CBLC: variants seen among roughly 807,000 people sequenced by gnomAD.
CBLC encodes the protein E3 ubiquitin-protein ligase CBL-C.
Under a neutral mutation model 58.6 loss-of-function variants are expected in CBLC, and 46 were observed. The observed-to-expected ratio is 0.79, with a 90% confidence interval of 0.62 to 1.00. The LOEUF (loss-of-function observed/expected upper bound fraction) is 1.00. CBLC is among the 50% of genes least tolerant of loss of function. The pLI is 0.00. For synonymous variants in CBLC, 271 were observed against 264.2 expected (o/e 1.03, Z -0.25); for missense variants, 655 against 625.8 (o/e 1.05, Z -0.50).
intron 3 of CBLC, 42 bp downstream of exon 3, chr19:44,781,405 A>T: frequency 6.3e-7 from 1 of 1,576,858 alleles, no homozygotes; most frequent in South Asian, 1.1e-5. Flanking sequence ...TGGGTCCAGG[A>T]GGAAGTAGAG....
intron 4 of CBLC, among the ~76,000 whole-genome samples, chr19:44,783,382 AC>A (rs1967800728): frequency 6.6e-6 from 1 of 151,962 alleles, no homozygotes; most frequent in Non-Finnish European, 1.5e-5. Context: ...GGTGGCGTGC[AC>A]CTGTAATCCC....
chr19:44,777,983 C>T lies in CBLC; in HGVS notation c.52C>T (p.Leu18=). Residue 18 remains leucine, a synonymous_variant, in exon 1 of 11, where the codon CTG becomes TTG. Coordinates refer to ENST00000647358, the MANE Select transcript of CBLC (RefSeq NM_012116.4). ...GCGACAGTGGGAAGAGGCCCGCGCC[C>T]TGGGCCGGGCAGTCAGGATGCTGCA... ...WGRQWEEARA[L]GRAVRMLQRL... The T allele has an allele frequency of 6.2e-7, 1 of 1,607,216 alleles. No individual in the cohort carries two copies. The highest frequency in any genetic ancestry group is 8.5e-7 in the Non-Finnish European group (1 of 1,179,066).
In CBLC at chr19:44,778,036, C is replaced by G. The variant is rs544784225; in HGVS notation, c.105C>G (p.Pro35=). ...LQRLEEQCVD[P]RLSVSPPSLR... Reference sequence around the variant, plus strand: ...GCCTAGAAGAGCAATGCGTCGACCCCCGGCTGTCCGTGAGTCCCCCTTCGC... The same window carrying G: ...GCCTAGAAGAGCAATGCGTCGACCCGCGGCTGTCCGTGAGTCCCCCTTCGC... Residue 35 remains proline, a synonymous_variant, in exon 1 of 11, where the codon CCC becomes CCG. Transcript: ENST00000647358. The G allele has an allele frequency of 2.3e-4, 363 of 1,609,446 alleles. 9 individuals are homozygous for G. In the South Asian group the frequency reaches 3.8e-3, roughly 17 times the overall value.
chr19:44,790,202 T>C, intron 6 of CBLC, 111 bp downstream of exon 6: 1 of 796,244 alleles, frequency 1.3e-6, no homozygotes, highest in Non-Finnish European at 2.2e-6. Context: ...TCTGTGACCT[T>C]GGGTAAATCA....
chr19:44,785,916 C>T (rs1243802389), intron 5 of CBLC, among the ~76,000 whole-genome samples: 1 of 151,932 alleles, frequency 6.6e-6, no homozygotes, highest in Non-Finnish European at 1.5e-5. Context: ...GCCTGGGTGA[C>T]AGAGCGAGAC....
chr19:44,793,442 G>A lies in CBLC; in HGVS notation c.1138-32G>A, dbSNP rs776338482. 9 of 1,576,080 alleles carry A rather than the reference G, an allele frequency of 5.7e-6. No homozygotes were observed. The East Asian group carries it at 1.4e-4, about 24-fold the overall frequency. ...AAGGGACAGGATGGAGAGCAGGGGAGCACTGACCCTTTCCCTCCCGACCTC... is the reference window on the plus strand; with the variant it reads ...AAGGGACAGGATGGAGAGCAGGGGAACACTGACCCTTTCCCTCCCGACCTC... On this transcript the variant is annotated intron_variant, in intron 7 of 10. Coordinates refer to ENST00000647358, the MANE Select transcript of CBLC (RefSeq NM_012116.4).
chr19:44,781,296 C>T lies in CBLC; in HGVS notation c.590C>T (p.Thr197Ile). ...TGCACAGCCCTGGCCTTGCGCACCACCATTGACCTCACCTGCAGCGGGCAC... is the reference window on the plus strand; with the variant it reads ...TGCACAGCCCTGGCCTTGCGCACCATCATTGACCTCACCTGCAGCGGGCAC... ...PGCTALALRT[T>I]IDLTCSGHVS... Residue 197 changes from threonine (T) to isoleucine (I), a missense_variant, in exon 3 of 11, where the codon ACC becomes ATC. Transcript: ENST00000647358. 1 of 1,613,624 alleles carries T rather than the reference C, an allele frequency of 6.2e-7. No individual in the cohort carries two copies. The highest frequency in any genetic ancestry group is 8.5e-7 in the Non-Finnish European group (1 of 1,180,006).
At chr19:44,797,066 G>A (rs1968193835) in intron 9 of CBLC, among the ~76,000 whole-genome samples, 1 of 152,260 alleles carries the variant, frequency 6.6e-6, no homozygotes, top group African/African-American at 2.4e-5. Context: ...GGGACCTCGG[G>A]CCTGATGGTG....
intron 9 of CBLC, among the ~76,000 whole-genome samples, chr19:44,799,568 G>T (rs960293195): frequency 5.9e-5 from 9 of 152,066 alleles, no homozygotes; most frequent in African/African-American, 2.2e-4. Flanking sequence ...CTGACCTCAG[G>T]TGATCCACCC....
intron 5 of CBLC, 54 bp from the exon 6 acceptor site, chr19:44,789,950 G>C: frequency 8.7e-7 from 1 of 1,145,634 alleles, no homozygotes; most frequent in Non-Finnish European, 1.3e-6. Flanking sequence ...TTGTTCATCT[G>C]GGGGTGGGAA....
At chr19:44,786,999 T>TG (rs1484032872) in intron 5 of CBLC, among the ~76,000 whole-genome samples, 2 of 151,750 alleles carry the variant, frequency 1.3e-5, no homozygotes, top group African/African-American at 4.8e-5. Context: ...AGACGAGAAT[T>TG]GCTTGAACCC....
intron 5 of CBLC, among the ~76,000 whole-genome samples, chr19:44,785,525 CAGATAGGTAGATAGATAGAT>C (rs1014920600): frequency 1.8e-4 from 22 of 123,740 alleles, no homozygotes; most frequent in African/African-American, 6.5e-4. Flanking sequence ...GCTAGATAGT[CAGATAGGTAGATAGATAGAT>C]AGATAGATAG....
At chr19:44,785,122 C>A (rs1967864172) in intron 5 of CBLC, among the ~76,000 whole-genome samples, 1 of 151,408 alleles carries the variant, frequency 6.6e-6, no homozygotes, top group Non-Finnish European at 1.5e-5. Flanking sequence ...CAGGCACCCA[C>A]CACCACACCC....
intron 1 of CBLC, among the ~76,000 whole-genome samples, chr19:44,780,688 G>A (rs1194851789): frequency 6.9e-6 from 1 of 143,900 alleles, no homozygotes. Flanking sequence ...GGCCAGGTTG[G>A]TCCCAAACTC....
intron 3 of CBLC, among the ~76,000 whole-genome samples, chr19:44,781,602 TG>T (rs369444813): frequency 0.053 from 1,842 of 34,624 alleles, 203 homozygotes; most frequent in African/African-American, 0.14. Context: ...AGGAGGGGGC[TG>T]GGGACCTGGA....
chr19:44,777,908 C>T lies in CBLC; in HGVS notation c.-24C>T. 4.6e-6 allele frequency: 7 copies of T among 1,528,498 alleles called. No individual in the cohort carries two copies. The highest frequency in any genetic ancestry group is 5.2e-6 in the Non-Finnish European group (6 of 1,145,612). 94.7% of individuals were successfully genotyped at this position (1,528,498 alleles called of 1,614,324 possible). A position where few individuals can be genotyped will look rare whatever the true frequency, so the allele number is the denominator to read the frequency against. ...CGCCCCTATCCCAGCCGCACCGGTCCTTCCCGGCACACGCGAGGCTCCCAT... is the reference window on the plus strand; with the variant it reads ...CGCCCCTATCCCAGCCGCACCGGTCTTTCCCGGCACACGCGAGGCTCCCAT... On this transcript the variant is annotated 5_prime_UTR_variant, in exon 1 of 11. Transcript: ENST00000647358.
At chr19:44,785,937 AAAAAC>A (rs1421652769) in intron 5 of CBLC, among the ~76,000 whole-genome samples, 4 of 152,048 alleles carry the variant, frequency 2.6e-5, no homozygotes, top group Non-Finnish European at 1.5e-5. Context: ...TCCATCTGAA[AAAAAC>A]AAAACAAAAA....
intron 1 of CBLC, among the ~76,000 whole-genome samples, 176 bp from the exon 2 acceptor site, chr19:44,780,729 T>C (rs1400414309): frequency 6.6e-6 from 1 of 152,192 alleles, no homozygotes; most frequent in East Asian, 1.9e-4. Flanking sequence ...CACCTCAGCC[T>C]CCCAAAGTGC....
At chr19:44,787,245 T>C (rs1442724532) in intron 5 of CBLC, among the ~76,000 whole-genome samples, 1 of 150,118 alleles carries the variant, frequency 6.7e-6, no homozygotes. Flanking sequence ...TAACAAAAAA[T>C]TAGCTGGGCG....
Sources: gnomAD v4.1 joint callset for allele counts (sites outside exome capture counted in the v4.1 genomes callset) on GRCh38, gnomAD v4.1.1 for gene constraint, MANE v1.5 for transcripts, NCBI Gene and HGNC (gene_info 2026-07-23, HGNC 2026-07-21) for gene names.